Variants in LRRC4C observed in about 807,000 individuals in gnomAD.
LRRC4C encodes leucine rich repeat containing 4C, also known as leucine-rich repeat-containing protein 4C.
Under a neutral mutation model 33.6 loss-of-function variants are expected in LRRC4C, and 5 were observed. The ratio of observed to expected loss-of-function variants is 0.15; its 90% CI spans 0.08 to 0.31. The LOEUF is 0.31. LRRC4C is among the 10% of genes least tolerant of loss of function. The probability of loss-of-function intolerance (pLI) is 1.00; values close to 1 mark genes in which losing one functional copy is unlikely to be tolerated. For missense variants in LRRC4C, 560 were observed against 796.7 expected, an observed-to-expected ratio of 0.70 and a Z score of 3.58; for synonymous variants, 329 against 302.0, an observed-to-expected ratio of 1.09 and a Z score of -0.93.
intron 3 of LRRC4C, among the ~76,000 whole-genome samples, chr11:40,391,792 A>G (rs1316317488): frequency 6.6e-6 from 1 of 152,174 alleles, no homozygotes; most frequent in Non-Finnish European, 1.5e-5. Flanking sequence ...ATGAAAAAAA[A>G]ATATTTACCC....
chr11:40,697,863 A>G (rs946465405), intron 2 of LRRC4C, among the ~76,000 whole-genome samples: 1 of 151,962 alleles, frequency 6.6e-6, no homozygotes, highest in African/African-American at 2.4e-5. Context: ...AGGTCAGGAG[A>G]TAGAGACCAT....
At chr11:41,129,146 T>C (rs1230356257) in intron 1 of LRRC4C, among the ~76,000 whole-genome samples, 1 of 151,954 alleles carries the variant, frequency 6.6e-6, no homozygotes, top group East Asian at 1.9e-4. Flanking sequence ...ATTTTCTCCT[T>C]GATATAATCA....
chr11:41,102,344 T>C (rs891445906), intron 1 of LRRC4C, among the ~76,000 whole-genome samples: 5 of 152,018 alleles, frequency 3.3e-5, no homozygotes, highest in African/African-American at 4.8e-5. Flanking sequence ...TCTCTAGTAC[T>C]CTTGTCTGGT....
At chr11:40,686,358 C>T (rs1944953659) in intron 2 of LRRC4C, among the ~76,000 whole-genome samples, 1 of 152,072 alleles carries the variant, frequency 6.6e-6, no homozygotes, top group African/African-American at 2.4e-5. Flanking sequence ...TGAGTAAAAG[C>T]TCAAGCTAGT....
At chr11:40,601,289 G>C (rs1959968832) in intron 3 of LRRC4C, among the ~76,000 whole-genome samples, 1 of 152,016 alleles carries the variant, frequency 6.6e-6, no homozygotes, top group Non-Finnish European at 1.5e-5. Flanking sequence ...TGAATACTCT[G>C]TGCTTAGTAA....
intron 2 of LRRC4C, among the ~76,000 whole-genome samples, chr11:40,777,909 C>T (rs764275905): frequency 2.6e-5 from 4 of 151,920 alleles, no homozygotes; most frequent in Non-Finnish European, 5.9e-5. Flanking sequence ...AGGATGGTCT[C>T]GATCTCCTGA....
At chr11:41,307,914 T>G (rs768687309) in intron 1 of LRRC4C, among the ~76,000 whole-genome samples, 1 of 152,180 alleles carries the variant, frequency 6.6e-6, no homozygotes, top group Non-Finnish European at 1.5e-5. Flanking sequence ...GGAATGGTAA[T>G]GAGCAGACCT....
intron 3 of LRRC4C, among the ~76,000 whole-genome samples, chr11:40,553,864 C>G (rs915695435): frequency 6.6e-6 from 1 of 152,146 alleles, no homozygotes; most frequent in Non-Finnish European, 1.5e-5. Flanking sequence ...GCATAGTTTA[C>G]AAATAGTTTC....
chr11:40,382,578 C>CTCT (rs751870282), intron 3 of LRRC4C, among the ~76,000 whole-genome samples: 5 of 150,984 alleles, frequency 3.3e-5, no homozygotes, highest in Non-Finnish European at 7.4e-5. Flanking sequence ...ACTCTCTAAG[C>CTCT]AAATTTTAAA....
chr11:40,145,664 A>G (rs1013902587), intron 5 of LRRC4C, among the ~76,000 whole-genome samples: 4 of 152,210 alleles, frequency 2.6e-5, no homozygotes, highest in South Asian at 2.1e-4. Flanking sequence ...CATTACAGAA[A>G]GATAAAGTGT....
chr11:41,051,411 T>C (rs1037679427), intron 1 of LRRC4C, among the ~76,000 whole-genome samples: 1 of 151,570 alleles, frequency 6.6e-6, no homozygotes, highest in Non-Finnish European at 1.5e-5. Flanking sequence ...TTACATCTGA[T>C]GTGTAAATTG....
intron 2 of LRRC4C, among the ~76,000 whole-genome samples, chr11:40,882,915 T>A (rs557818144): frequency 3.9e-5 from 6 of 152,214 alleles, no homozygotes; most frequent in African/African-American, 1.4e-4. Context: ...ACTCTTTTGG[T>A]TGCATTTTAT....
At chr11:41,384,353 G>A (rs1461033037) in intron 1 of LRRC4C, among the ~76,000 whole-genome samples, 1 of 151,904 alleles carries the variant, frequency 6.6e-6, no homozygotes, top group African/African-American at 2.4e-5. Context: ...GAGTAGTACA[G>A]TAAATAATAG....
At chr11:41,401,389 A>C (rs568751391) in intron 1 of LRRC4C, among the ~76,000 whole-genome samples, 16 of 152,022 alleles carry the variant, frequency 1.1e-4, no homozygotes, top group African/African-American at 3.4e-4. Flanking sequence ...GAAAAAAATA[A>C]GAAATTTTCT....
intron 1 of LRRC4C, among the ~76,000 whole-genome samples, chr11:41,085,522 AAC>A (rs1939904302): frequency 2.0e-5 from 3 of 152,132 alleles, no homozygotes; most frequent in African/African-American, 7.2e-5. Flanking sequence ...ATAATAATAT[AAC>A]TATCACGTAG....
chr11:40,900,735 A>C (rs1956162907), intron 2 of LRRC4C, among the ~76,000 whole-genome samples: 1 of 152,022 alleles, frequency 6.6e-6, no homozygotes, highest in African/African-American at 2.4e-5. Context: ...GCAAGTGTAC[A>C]GAAGAATACT....
rs139098238 is a variant in LRRC4C at position 41,084,677 on chromosome 11, C to T, written c.-495-150954G>A. Reference sequence around the variant, plus strand: ...CAGCCTGGCCAACATGGTGAAACCCCATCTCTGCTAAAAATACACAAATTA... The same window carrying T: ...CAGCCTGGCCAACATGGTGAAACCCTATCTCTGCTAAAAATACACAAATTA... On this transcript the variant is annotated intron_variant, in intron 1 of 6. Coordinates refer to ENST00000528697, the MANE Select transcript of LRRC4C (RefSeq NM_001258419.2). 8.1e-3 allele frequency among the ~76,000 whole-genome samples: 1,231 copies of T among 152,130 alleles called. 20 individuals carry two copies. The highest frequency in any genetic ancestry group is 0.029 in the African/African-American group (1,184 of 41,500).
chr11:40,927,442 A>T (rs1007635731), intron 2 of LRRC4C, among the ~76,000 whole-genome samples: 1 of 152,182 alleles, frequency 6.6e-6, no homozygotes, highest in Admixed American at 6.6e-5. Context: ...TAAAGATAAC[A>T]AAATATGTAT....
intron 3 of LRRC4C, among the ~76,000 whole-genome samples, chr11:40,466,471 C>T (rs1373273998): frequency 1.3e-5 from 2 of 151,770 alleles, no homozygotes; most frequent in East Asian, 1.9e-4. Context: ...AAATACTATG[C>T]TTGGAAAATA....
Sources: gnomAD v4.1 joint callset for allele counts (sites outside exome capture counted in the v4.1 genomes callset) on GRCh38, gnomAD v4.1.1 for gene constraint, MANE v1.5 for transcripts, NCBI Gene and HGNC (gene_info 2026-07-23, HGNC 2026-07-21) for gene names.